SVIL: variants seen among roughly 807,000 people sequenced by gnomAD.
SVIL encodes archvillin.
In SVIL, 101 loss-of-function variants were observed where a neutral mutation model predicts 240.4. The observed-to-expected ratio is 0.42, with a 90% CI of 0.36 to 0.50. The LOEUF (loss-of-function observed/expected upper bound fraction) is 0.50. Among genes scored for constraint, SVIL ranks in the 20% least tolerant of loss-of-function variants. SVIL has a pLI of 0.01. For synonymous variants in SVIL, 999 were observed against 1,100.0 expected (o/e 0.91, Z 1.82); for missense variants, 2,512 against 2,818.7 (o/e 0.89, Z 2.46).
chr10:29,623,896 C>T (rs563763190), intron 1 of SVIL, among the ~76,000 whole-genome samples: 3 of 152,218 alleles, frequency 2.0e-5, no homozygotes, highest in African/African-American at 7.2e-5. Context: ...CCATGGTGGT[C>T]CCTTAAGATT....
chr10:29,495,994 G>A lies in SVIL; in HGVS notation c.3665-813C>T, dbSNP rs1343337521. Among the ~76,000 whole-genome samples the A allele has an allele frequency of 2.0e-5, 3 of 152,198 alleles. No homozygotes were observed. In the South Asian group the frequency reaches 6.2e-4, roughly 32 times the overall value. ...ACAAAATGAGATGTGAATGTTCTCTGTACTCATTTGTAATAAATGTGAAAT... is the reference window on the plus strand; with the variant it reads ...ACAAAATGAGATGTGAATGTTCTCTATACTCATTTGTAATAAATGTGAAAT... On this transcript the variant is annotated intron_variant, in intron 18 of 37. Transcript: ENST00000355867.
chr10:29,516,710 C>T (rs933371837), intron 16 of SVIL, among the ~76,000 whole-genome samples: 18 of 152,330 alleles, frequency 1.2e-4, no homozygotes, highest in African/African-American at 4.1e-4. Flanking sequence ...GAGAGAGGCA[C>T]GACACTGGCC....
rs745739250 is a variant in SVIL, at chr10:29,488,762, C to A, written c.4193-6G>T. 5 of 1,610,348 alleles carry A rather than the reference C, an allele frequency of 3.1e-6. No individual in the cohort carries two copies. The highest frequency in any genetic ancestry group is 4.2e-6 in the Non-Finnish European group (5 of 1,178,740). ...GAAGTTGGAGTTGGAAGACACTGGG[C>A]ACGTTGAATAAGGAAACACAACGCA... On this transcript the variant is annotated splice_region_variant and splice_polypyrimidine_tract_variant and intron_variant, in intron 22 of 37. Transcript: ENST00000355867.
At chr10:29,711,920 TA>T (rs1963315429) in intron 1 of SVIL, 1 of 145,612 alleles carries the variant, frequency 6.9e-6, no homozygotes, top group South Asian at 2.2e-4. Context: ...GTACATGTAC[TA>T]AAATTGGAAT....
At chr10:29,707,980 A>C (rs1434055920) in intron 1 of SVIL, among the ~76,000 whole-genome samples, 1 of 152,188 alleles carries the variant, frequency 6.6e-6, no homozygotes, top group South Asian at 2.1e-4. Context: ...TGTACAGGCC[A>C]TGCGCGGTGG....
chr10:29,593,204 C>T (rs926425099), intron 1 of SVIL, among the ~76,000 whole-genome samples: 24 of 152,080 alleles, frequency 1.6e-4, no homozygotes, highest in African/African-American at 5.3e-4. Flanking sequence ...CATATTATAA[C>T]GCAATACTTC....
chr10:29,532,700 T>C lies in SVIL; in HGVS notation c.1667A>G (p.Gln556Arg), dbSNP rs2132566207. The C allele has an allele frequency of 6.2e-7, 1 of 1,614,210 alleles. No homozygotes were observed. Among genetic ancestry groups the C allele is most frequent in the East Asian group, 2.2e-5 (1 of 44,872 alleles). ...GTCCTTATACTTCAAGGCCTGGAGC[T>C]GAGGGGGGCCTGTGAAATCTGACAG... is the stretch of plus-strand genomic sequence containing the variant. ...RSLSDFTGPP[Q>R]LQALKYKDPA... is the part of the protein sequence containing the mutation. The change falls in exon 8 of 38, where the codon CAG (glutamine) becomes CGG (arginine). Residue 556 changes from glutamine to arginine, a missense_variant. Physicochemically the swap from Gln to Arg is conservative, Grantham distance 43. This residue lies in a region of SVIL where 1,443 missense variants were observed against 1,486.6 expected (regional missense o/e 0.97). Transcript: ENST00000355867.
At chr10:29,669,063 A>G (rs1025008208) in intron 2 of SVIL, among the ~76,000 whole-genome samples, 1 of 152,208 alleles carries the variant, frequency 6.6e-6, no homozygotes, top group East Asian at 1.9e-4. Context: ...AAATGAATGG[A>G]CAAATACATG....
intron 1 of SVIL, among the ~76,000 whole-genome samples, chr10:29,708,570 G>A (rs1963067350): frequency 6.6e-6 from 1 of 152,066 alleles, no homozygotes; most frequent in Non-Finnish European, 1.5e-5. Context: ...GCAGTGAGCC[G>A]AGATTGCGCC....
intron 1 of SVIL, among the ~76,000 whole-genome samples, chr10:29,578,984 G>A (rs1426634386): frequency 6.6e-6 from 1 of 152,196 alleles, no homozygotes; most frequent in Non-Finnish European, 1.5e-5. Context: ...GGAGAATCAG[G>A]AAGAACATGC....
At position 29,529,779 on chromosome 10, in the gene SVIL, C is replaced by T. The variant is rs779767639; in HGVS notation, c.2172G>A (p.Glu724=). The T allele has an allele frequency of 6.2e-7, 1 of 1,613,802 alleles. No homozygotes were observed. Among genetic ancestry groups the T allele is most frequent in the South Asian group, 1.1e-5 (1 of 91,018 alleles). The change falls in exon 12 of 38, where the codon GAG becomes GAA. Residue 724 remains glutamate, a synonymous_variant. Transcript: ENST00000355867. The part of the protein sequence containing the change: ...PKRRSRNTAV[E]QRLRRLQDRS... ...TGTCCTGCAGACGGCGTAGCCTCTG[C>T]TCCACAGCTGTGTTTCTTGAGCGTC...
chr10:29,634,985 A>G (rs1185994596), upstream of SVIL: 2 of 152,172 alleles, frequency 1.3e-5, no homozygotes, highest in African/African-American at 2.4e-5. Context: ...GCAACTTCAC[A>G]TGGGACGGGC....
At chr10:29,563,764 T>G (rs1289682894) in intron 2 of SVIL, among the ~76,000 whole-genome samples, 1 of 152,096 alleles carries the variant, frequency 6.6e-6, no homozygotes, top group Non-Finnish European at 1.5e-5. Context: ...CAAAGCATGG[T>G]CAAAAGTTTG....
chr10:29,657,349 C>T (rs1198842545), intron 3 of SVIL, among the ~76,000 whole-genome samples: 1 of 152,162 alleles, frequency 6.6e-6, no homozygotes, highest in African/African-American at 2.4e-5. Context: ...GAGCACTGCC[C>T]ACTACTCACA....
chr10:29,458,330 C>G lies in SVIL; in HGVS notation c.6562G>C (p.Ala2188Pro). ...TATTCATCCCTCGTCATGTCTAGTGCAAACTGGAAACATTGGGAGAAGCGC... is the reference window on the plus strand; with the variant it reads ...TATTCATCCCTCGTCATGTCTAGTGGAAACTGGAAACATTGGGAGAAGCGC... ...IYLTDEDFEFALDMTRDEYNA... is the reference protein window; with the variant it reads ...IYLTDEDFEFPLDMTRDEYNA... Residue 2188 changes from alanine to proline, a missense_variant, in exon 38 of 38, where the codon GCA becomes CCA. Around this residue, in one of 3 missense-constraint regions of SVIL, gnomAD observed 797 missense variants for 925.3 expected, o/e 0.86. Transcript: ENST00000355867. 6.2e-7 allele frequency: 1 copy of G among 1,614,214 alleles called. No individual in the cohort carries two copies. Among genetic ancestry groups the G allele is most frequent in the Non-Finnish European group, 8.5e-7 (1 of 1,180,038 alleles).
intron 1 of SVIL, among the ~76,000 whole-genome samples, chr10:29,632,789 G>T (rs188424767): frequency 6.6e-6 from 1 of 152,272 alleles, no homozygotes; most frequent in East Asian, 1.9e-4. Flanking sequence ...ACAATAGCTT[G>T]TATAACATCA....
intron 20 of SVIL, among the ~76,000 whole-genome samples, 172 bp downstream of exon 20, chr10:29,494,742 G>GA (rs772639894): frequency 3.3e-5 from 5 of 151,966 alleles, no homozygotes; most frequent in East Asian, 3.9e-4. Context: ...TTAGATTCAA[G>GA]AAAAAAATGT....
upstream of SVIL, among the ~76,000 whole-genome samples, chr10:29,638,216 C>T (rs991139232): frequency 6.6e-6 from 1 of 152,154 alleles, no homozygotes; most frequent in Admixed American, 6.6e-5. Context: ...AATCCCAGAA[C>T]TTTGGGAGGC....
At chr10:29,477,994 G>A (rs549815649) in intron 29 of SVIL, among the ~76,000 whole-genome samples, 1 of 152,230 alleles carries the variant, frequency 6.6e-6, no homozygotes, top group African/African-American at 2.4e-5. Context: ...ATAACTAACA[G>A]CTAAAGTAAG....
Sources: allele counts gnomAD v4.1 joint callset (sites outside exome capture counted in the v4.1 genomes callset), GRCh38; gene constraint gnomAD v4.1.1; regional missense constraint gnomAD v4.1.1; transcripts MANE v1.5; gene names NCBI Gene and HGNC (gene_info 2026-07-23, HGNC 2026-07-21).